The following UBR2 variants were observed in gnomAD, a reference collection of about 807,000 sequenced individuals.
UBR2 encodes ubiquitin protein ligase E3 component n-recognin 2.
UBR2 carries 92 observed loss-of-function variants against 247.9 expected under a neutral mutation model. The observed-to-expected ratio is 0.37, with a 90% CI of 0.31 to 0.44. The LOEUF (loss-of-function observed/expected upper bound fraction) is 0.44, where lower values mean the gene tolerates loss of function less well. Ranked by LOEUF, UBR2 falls within the 20% of genes least tolerant of loss-of-function variation. The probability of loss-of-function intolerance (pLI) is 1.00; values close to 1 mark genes in which losing one functional copy is unlikely to be tolerated. For synonymous variants in UBR2, 672 were observed against 693.5 expected (o/e 0.97, Z 0.49); for missense variants, 1,613 against 2,112.6 (o/e 0.76, Z 4.64).
At chr6:42,602,445 G>A (rs1356113377) in intron 4 of UBR2, among the ~76,000 whole-genome samples, 1 of 151,242 alleles carries the variant, frequency 6.6e-6, no homozygotes, top group African/African-American at 2.4e-5. Context: ...CTCGCGATCC[G>A]CCTGCATCAG....
At position 42,571,198 on chromosome 6, in the gene UBR2, G is replaced by A. The variant is rs868511627; in HGVS notation, c.79-2536G>A. ...GCGGAGCTTTCAGTGAGCCGAGATC[G>A]CGCCACTGCACTCCAGCCTGGGTGA... On this transcript the variant is annotated intron_variant, in intron 1 of 46. Transcript: ENST00000372901. Among the ~76,000 whole-genome samples the A allele has an allele frequency of 7.8e-4, 106 of 136,310 alleles. 2 individuals carry two copies. The highest frequency in any genetic ancestry group is 8.5e-3 in the Middle Eastern group (2 of 234). The allele number at this position is 136,310 out of a possible 152,430, so 89.4% of individuals were successfully genotyped here.
At chr6:42,575,060 A>T (rs1358744687) in intron 2 of UBR2, among the ~76,000 whole-genome samples, 1 of 152,226 alleles carries the variant, frequency 6.6e-6, no homozygotes, top group Admixed American at 6.5e-5. Flanking sequence ...ACCTACATAC[A>T]TAAATACAGA....
At chr6:42,567,207 A>G (rs1403238170) in intron 1 of UBR2, among the ~76,000 whole-genome samples, 1 of 152,148 alleles carries the variant, frequency 6.6e-6, no homozygotes. Context: ...AAGGAGGAAG[A>G]ACTTTTTGTG....
At chr6:42,605,643 A>G in intron 5 of UBR2, 78 bp from the exon 6 acceptor site, 3 of 1,381,604 alleles carry the variant, frequency 2.2e-6, no homozygotes, top group Non-Finnish European at 3.0e-6. Flanking sequence ...GCATAGGACA[A>G]AGTAGTCTCT....
chr6:42,634,224 TCCCC>T, intron 13 of UBR2: 1 of 399,796 alleles, frequency 2.5e-6, no homozygotes, highest in Admixed American at 3.6e-5. Context: ...TAGACCTTTT[TCCCC>T]TGTTTAATTC....
At chr6:42,671,955 C>T (rs1293557735) in intron 36 of UBR2, among the ~76,000 whole-genome samples, 1 of 152,142 alleles carries the variant, frequency 6.6e-6, no homozygotes, top group African/African-American at 2.4e-5. Flanking sequence ...ACCTAAAATT[C>T]AATCCAAATT....
intron 44 of UBR2, among the ~76,000 whole-genome samples, chr6:42,686,857 G>A (rs1451019116): frequency 3.3e-5 from 5 of 151,624 alleles, no homozygotes; most frequent in Admixed American, 6.6e-5. Flanking sequence ...CGGGGCAGCC[G>A]GTCGGAGACA....
intron 25 of UBR2, among the ~76,000 whole-genome samples, chr6:42,653,804 A>G (rs1165163708): frequency 6.6e-6 from 1 of 151,798 alleles, no homozygotes; most frequent in Non-Finnish European, 1.5e-5. Flanking sequence ...TTTAGTAGAG[A>G]CAGGGTTTCA....
intron 15 of UBR2, among the ~76,000 whole-genome samples, chr6:42,637,636 T>C (rs1353869282): frequency 6.6e-6 from 1 of 152,230 alleles, no homozygotes. Context: ...TTCTCCTTTT[T>C]TTCCTCTCCC....
chr6:42,602,986 T>A (rs1793482965), intron 4 of UBR2, among the ~76,000 whole-genome samples: 1 of 152,168 alleles, frequency 6.6e-6, no homozygotes, highest in Non-Finnish European at 1.5e-5. Context: ...AAAGTAATAC[T>A]TTTTTACATT....
chr6:42,662,954 A>AC (rs947862108), intron 31 of UBR2, among the ~76,000 whole-genome samples: 3 of 150,894 alleles, frequency 2.0e-5, no homozygotes, highest in Admixed American at 6.6e-5. Flanking sequence ...AACAACAACA[A>AC]AAAAAAAACA....
At chr6:42,608,092 C>T (rs1218361094) in intron 7 of UBR2, among the ~76,000 whole-genome samples, 5 of 152,046 alleles carry the variant, frequency 3.3e-5, no homozygotes, top group Non-Finnish European at 5.9e-5. Flanking sequence ...CAAATACTCC[C>T]GTTATGGGCA....
chr6:42,639,343 A>G (rs1796285597), intron 15 of UBR2, among the ~76,000 whole-genome samples: 1 of 152,260 alleles, frequency 6.6e-6, no homozygotes. Context: ...CTGTAATCCC[A>G]GCACTTTGGG....
At chr6:42,568,780 G>C (rs962863831) in intron 1 of UBR2, among the ~76,000 whole-genome samples, 2 of 152,162 alleles carry the variant, frequency 1.3e-5, no homozygotes, top group Non-Finnish European at 2.9e-5. Context: ...ACCATGTACA[G>C]GTTGAGTATT....
Position 42,684,781 on chromosome 6 carries a change from CTCT to C in UBR2, c.4776-11_4776-9del. The C allele has an allele frequency of 6.3e-7, 1 of 1,593,916 alleles. No homozygotes were observed. The highest frequency in any genetic ancestry group is 8.6e-7 in the Non-Finnish European group (1 of 1,167,420). On this transcript the variant is annotated splice_polypyrimidine_tract_variant and intron_variant, in intron 43 of 46. Transcript: ENST00000372901. ...ATTAATGGAGTGTTCTTTAATTTTTCTCTTTTTTTCAGATATCCAAGAGAATCT... is the reference window on the plus strand; with the variant it reads ...ATTAATGGAGTGTTCTTTAATTTTTCTTTTTTCAGATATCCAAGAGAATCT...
intron 41 of UBR2, 80 bp from the exon 42 acceptor site, chr6:42,679,644 A>T (rs1416652564): frequency 1.9e-6 from 2 of 1,028,096 alleles, no homozygotes; most frequent in Non-Finnish European, 2.9e-6. Context: ...CTTTTTTTTT[A>T]AACTCTGCTA....
At chr6:42,611,100 C>A (rs1474079652) in intron 7 of UBR2, among the ~76,000 whole-genome samples, 1 of 150,012 alleles carries the variant, frequency 6.7e-6, no homozygotes, top group Non-Finnish European at 1.5e-5. Flanking sequence ...CCTGCCTCAG[C>A]CTTCCAAAGT....
intron 36 of UBR2, among the ~76,000 whole-genome samples, chr6:42,671,927 C>T (rs1582702916): frequency 6.6e-6 from 1 of 152,180 alleles, no homozygotes; most frequent in African/African-American, 2.4e-5. Flanking sequence ...ATTTTTTTAA[C>T]CTGGATCTCC....
chr6:42,568,737 A>T lies in UBR2; in HGVS notation c.78+4340A>T, dbSNP rs559548162. Among the ~76,000 whole-genome samples the T allele has an allele frequency of 1.8e-4, 27 of 152,304 alleles. 1 individual carries two copies. Among genetic ancestry groups the T allele is most frequent in the Admixed American group, 7.2e-4 (11 of 15,300 alleles). Reference sequence around the variant, plus strand: ...AGAGCGAGACTCTGTCTCAAAAAAAAAATAATAAAAATAAAATATTTATCC... The same window carrying T: ...AGAGCGAGACTCTGTCTCAAAAAAATAATAATAAAAATAAAATATTTATCC... On this transcript the variant is annotated intron_variant, in intron 1 of 46. Transcript: ENST00000372901.
Sources: gnomAD v4.1 joint callset for allele counts (sites outside exome capture counted in the v4.1 genomes callset) on GRCh38, gnomAD v4.1.1 for gene constraint, MANE v1.5 for transcripts, NCBI Gene and HGNC (gene_info 2026-07-23, HGNC 2026-07-21) for gene names.